The following TSNARE1 variants were observed in gnomAD, a reference collection of about 807,000 sequenced individuals.
The protein encoded by TSNARE1 is t-SNARE domain containing 1, also known as t-SNARE domain-containing protein 1.
TSNARE1 carries 49 observed loss-of-function variants against 62.0 expected under a neutral mutation model. The observed-to-expected ratio is 0.79, with a 90% CI of 0.63 to 1.00. The LOEUF (loss-of-function observed/expected upper bound fraction) is 1.00, where lower values mean the gene tolerates loss of function less well. Ranked by LOEUF, TSNARE1 falls within the 50% of genes least tolerant of loss-of-function variation. The probability of loss-of-function intolerance (pLI) is 0.00; values close to 1 mark genes in which losing one functional copy is unlikely to be tolerated. For synonymous variants in TSNARE1, 328 were observed against 294.4 expected (o/e 1.11, Z -1.17); for missense variants, 755 against 700.1 (o/e 1.08, Z -0.88).
chr8:142,240,241 A>G (rs1319666594), intron 12 of TSNARE1, among the ~76,000 whole-genome samples: 1 of 152,254 alleles, frequency 6.6e-6, no homozygotes, highest in Admixed American at 6.5e-5. Flanking sequence ...AAAAAGCATT[A>G]TGTGGCATCA....
chr8:142,359,266 G>A (rs1044597948), intron 1 of TSNARE1, among the ~76,000 whole-genome samples: 4 of 152,078 alleles, frequency 2.6e-5, no homozygotes, highest in Non-Finnish European at 4.4e-5. Flanking sequence ...GCCGAGCAAC[G>A]CCATGCTCCA....
intron 9 of TSNARE1, among the ~76,000 whole-genome samples, chr8:142,305,791 GCAGA>G (rs1442077659): frequency 2.6e-5 from 4 of 152,224 alleles, no homozygotes; most frequent in South Asian, 4.1e-4. Context: ...AGCTCAAGAG[GCAGA>G]CAGACAAAGG....
intron 4 of TSNARE1, among the ~76,000 whole-genome samples, chr8:142,338,380 C>T (rs768265867): frequency 6.6e-6 from 1 of 152,208 alleles, no homozygotes; most frequent in Admixed American, 6.5e-5. Flanking sequence ...ACGAGGGGGT[C>T]CCCAGGGCAG....
At chr8:142,276,945 C>T in intron 11 of TSNARE1, 1 of 985,472 alleles carries the variant, frequency 1.0e-6, no homozygotes, top group Non-Finnish European at 1.2e-6. Context: ...CACGCCATGT[C>T]CTGCCCCGGC....
At chr8:142,290,909 G>T (rs1268366524) in intron 10 of TSNARE1, among the ~76,000 whole-genome samples, 1 of 152,246 alleles carries the variant, frequency 6.6e-6, no homozygotes, top group Admixed American at 6.5e-5. Context: ...CAGCAGGTGA[G>T]ATGGGCTTGG....
chr8:142,361,244 T>A (rs1049478756), intron 1 of TSNARE1, among the ~76,000 whole-genome samples: 1 of 152,240 alleles, frequency 6.6e-6, no homozygotes, highest in Admixed American at 6.5e-5. Flanking sequence ...TCGGAGACTC[T>A]GTGCTCCAGA....
At chr8:142,382,299 G>A (rs938640460) in intron 1 of TSNARE1, among the ~76,000 whole-genome samples, 5 of 152,176 alleles carry the variant, frequency 3.3e-5, no homozygotes, top group Non-Finnish European at 5.9e-5. Context: ...ACCACGCCCA[G>A]AATCAGCGGT....
At chr8:142,271,192 T>C in intron 12 of TSNARE1, 4 of 992,984 alleles carry the variant, frequency 4.0e-6, no homozygotes, top group Non-Finnish European at 4.8e-6. Flanking sequence ...CCTGGGCCAC[T>C]CCACTGGCAG....
chr8:142,284,575 G>C, intron 10 of TSNARE1, 90 bp from the exon 11 acceptor site: 3 of 1,038,556 alleles, frequency 2.9e-6, no homozygotes, highest in Non-Finnish European at 4.5e-6. Flanking sequence ...CCTGGGGCGG[G>C]CCCAGGTGGC....
chr8:142,396,787 T>C (rs993529130), intron 1 of TSNARE1, among the ~76,000 whole-genome samples: 1 of 152,188 alleles, frequency 6.6e-6, no homozygotes, highest in Non-Finnish European at 1.5e-5. Context: ...TTTCCTGATC[T>C]GAGGAGCAGG....
intron 6 of TSNARE1, among the ~76,000 whole-genome samples, chr8:142,321,235 G>A (rs576583598): frequency 1.3e-5 from 2 of 152,196 alleles, no homozygotes; most frequent in South Asian, 4.2e-4. Context: ...AAGGCCCAGA[G>A]GAGACCTCCA....
At chr8:142,227,017 A>AGGACCCCCACTGCACCCACAC (rs1563760505) in intron 13 of TSNARE1, among the ~76,000 whole-genome samples, 2 of 139,774 alleles carry the variant, frequency 1.4e-5, no homozygotes, top group Non-Finnish European at 1.5e-5. Flanking sequence ...AGTGACAGCC[A>AGGACCCCCACTGCACCCACAC]AGCCCCCCAC....
At position 142,350,287 on chromosome 8, in the gene TSNARE1, C is replaced by T. The variant is rs557112765; in HGVS notation, c.88+4350G>A. Among the ~76,000 whole-genome samples, 9 of 152,314 alleles carry T rather than the reference C, an allele frequency of 5.9e-5. No individual in the cohort carries two copies. The South Asian group carries it at 1.7e-3, about 28-fold the overall frequency. ...GCATCTTAACCATTACATGAGGGTGCCCCAGTGTCACAACTGACAGCGAAA... is the reference window on the plus strand; with the variant it reads ...GCATCTTAACCATTACATGAGGGTGTCCCAGTGTCACAACTGACAGCGAAA... On this transcript the variant is annotated intron_variant, in intron 2 of 13. Coordinates refer to ENST00000524325, the MANE Select transcript of TSNARE1 (RefSeq NM_145003.5).
chr8:142,224,342 C>T (rs574138989), intron 13 of TSNARE1, among the ~76,000 whole-genome samples: 1 of 152,332 alleles, frequency 6.6e-6, no homozygotes, highest in South Asian at 2.1e-4. Context: ...GGACCCTGGC[C>T]ACACACTGAC....
chr8:142,234,409 G>GCGC (rs1817293434), intron 12 of TSNARE1, among the ~76,000 whole-genome samples: 1 of 151,304 alleles, frequency 6.6e-6, no homozygotes, highest in African/African-American at 2.4e-5. Flanking sequence ...TTCCAAGATG[G>GCGC]CACCATGACC....
rs73372252 is a variant in TSNARE1, at chr8:142,396,173, G to A, written c.-40+6931C>T. ...CCCTCCAATGCCCAGCTTCCCATTG[G>A]TACAGGTTCAGTGTGCACCCCTCAG... On this transcript the variant is annotated intron_variant, in intron 1 of 13. Coordinates refer to ENST00000524325, the MANE Select transcript of TSNARE1 (RefSeq NM_145003.5). Among the ~76,000 whole-genome samples the A allele has an allele frequency of 6.9e-3, 1,047 of 152,038 alleles. 10 individuals carry two copies. The highest frequency in any genetic ancestry group is 0.023 in the African/African-American group (973 of 41,456).
chr8:142,282,126 T>A (rs1310228157), intron 11 of TSNARE1, among the ~76,000 whole-genome samples: 1 of 152,212 alleles, frequency 6.6e-6, no homozygotes, highest in Admixed American at 6.5e-5. Context: ...TGCCCTGGCT[T>A]GCGGTGCAGC....
At chr8:142,223,058 ATTCAC>A (rs1444455377) in intron 13 of TSNARE1, among the ~76,000 whole-genome samples, 1 of 148,434 alleles carries the variant, frequency 6.7e-6, no homozygotes, top group East Asian at 2.0e-4. Flanking sequence ...TCATTCACTC[ATTCAC>A]TTACTCGCTC....
chr8:142,383,713 T>A (rs1018886677), intron 1 of TSNARE1, among the ~76,000 whole-genome samples: 1 of 152,206 alleles, frequency 6.6e-6, no homozygotes, highest in Admixed American at 6.5e-5. Context: ...TTTTTCAATG[T>A]TCACAACCCT....
Sources: gnomAD v4.1 joint callset for allele counts (sites outside exome capture counted in the v4.1 genomes callset) on GRCh38, gnomAD v4.1.1 for gene constraint, MANE v1.5 for transcripts, NCBI Gene and HGNC (gene_info 2026-07-23, HGNC 2026-07-21) for gene names.